The following PCDH15 variants were observed in gnomAD, a reference collection of about 807,000 sequenced individuals.
PCDH15 encodes the protein protocadherin-15.
In PCDH15, 129 loss-of-function variants were observed where a neutral mutation model predicts 178.5. That is an observed-to-expected ratio of 0.72 (90% CI 0.63 to 0.84). The LOEUF (loss-of-function observed/expected upper bound fraction) is 0.84. Ranked by LOEUF, PCDH15 falls within the 40% of genes least tolerant of loss-of-function variation. The probability of loss-of-function intolerance (pLI) is 0.00; values close to 1 mark genes in which losing one functional copy is unlikely to be tolerated. For synonymous variants in PCDH15, 800 were observed against 732.0 expected (o/e 1.09, Z -1.50); for missense variants, 2,230 against 2,099.9 (o/e 1.06, Z -1.21).
chr10:55,455,976 G>A (rs965429956), intron 2 of PCDH15, among the ~76,000 whole-genome samples: 1 of 152,028 alleles, frequency 6.6e-6, no homozygotes, highest in Non-Finnish European at 1.5e-5. Context: ...ATACATAAAC[G>A]AACTAAATCT....
intron 3 of PCDH15, among the ~76,000 whole-genome samples, chr10:54,459,258 A>C (rs2077021511): frequency 6.6e-6 from 1 of 152,110 alleles, no homozygotes; most frequent in Non-Finnish European, 1.5e-5. Context: ...CAAGAAGGCG[A>C]ATAATTATCT....
rs116814746 is a variant in PCDH15 at position 54,202,490 on chromosome 10, T to A, written c.1099-6601A>T. 6.1e-3 allele frequency among the ~76,000 whole-genome samples: 921 copies of A among 152,146 alleles called. 9 individuals are homozygous for A. Among genetic ancestry groups the A allele is most frequent in the African/African-American group, 0.018 (756 of 41,520 alleles). On this transcript the variant is annotated intron_variant, in intron 10 of 37. Transcript: ENST00000644397. ...AATCATTCTCAAACTCTGATGTACCTAAGAATAGAATGGAAGGCCTAATAA... is the reference window on the plus strand; with the variant it reads ...AATCATTCTCAAACTCTGATGTACCAAAGAATAGAATGGAAGGCCTAATAA...
intron 2 of PCDH15, among the ~76,000 whole-genome samples, chr10:55,162,717 T>C (rs2132114832): frequency 6.6e-6 from 1 of 152,274 alleles, no homozygotes; most frequent in East Asian, 1.9e-4. Context: ...GGGGTCTGGA[T>C]TGCGACCTCT....
At chr10:55,121,208 C>A (rs963463636) in intron 2 of PCDH15, among the ~76,000 whole-genome samples, 2 of 152,144 alleles carry the variant, frequency 1.3e-5, no homozygotes, top group African/African-American at 2.4e-5. Flanking sequence ...TATTTTCAAA[C>A]CTTAAGATTT....
At chr10:54,759,594 G>A (rs1947597657) in intron 1 of PCDH15, among the ~76,000 whole-genome samples, 1 of 152,156 alleles carries the variant, frequency 6.6e-6, no homozygotes, top group South Asian at 2.1e-4. Context: ...CCATGCCTGG[G>A]AGCAGAATTG....
intron 1 of PCDH15, among the ~76,000 whole-genome samples, chr10:54,718,897 A>G (rs1183351979): frequency 6.6e-6 from 1 of 151,698 alleles, no homozygotes; most frequent in African/African-American, 2.4e-5. Context: ...GGGTTTCACT[A>G]TGTTGGCCAG....
intron 3 of PCDH15, among the ~76,000 whole-genome samples, chr10:54,850,158 CTT>C (rs1953591302): frequency 6.6e-6 from 1 of 152,058 alleles, no homozygotes; most frequent in African/African-American, 2.4e-5. Flanking sequence ...TTTTTAGTGA[CTT>C]TTAATAATAT....
intron 15 of PCDH15, among the ~76,000 whole-genome samples, chr10:54,122,581 CA>C (rs71007809): frequency 0.032 from 4,453 of 139,528 alleles, 235 homozygotes; most frequent in African/African-American, 0.11. Flanking sequence ...ATCCAAATAG[CA>C]AAAAAAAAAG....
chr10:55,454,208 T>C (rs564825734), intron 2 of PCDH15, among the ~76,000 whole-genome samples: 25 of 152,122 alleles, frequency 1.6e-4, no homozygotes, highest in Non-Finnish European at 3.4e-4. Context: ...TGATACTATG[T>C]GCCATTTAAA....
chr10:55,077,263 T>C (rs1015654459), intron 2 of PCDH15, among the ~76,000 whole-genome samples: 24 of 152,300 alleles, frequency 1.6e-4, no homozygotes, highest in African/African-American at 5.3e-4. Flanking sequence ...TAATTTAATC[T>C]ATTTACATTC....
At chr10:55,358,215 C>G (rs933765989) in intron 2 of PCDH15, among the ~76,000 whole-genome samples, 4 of 152,038 alleles carry the variant, frequency 2.6e-5, no homozygotes, top group Non-Finnish European at 5.9e-5. Flanking sequence ...TAATGCAAAA[C>G]AGTGAAATTT....
At chr10:54,183,640 A>T (rs775148244) in intron 12 of PCDH15, 47 bp from the exon 13 acceptor site, 1 of 1,602,358 alleles carries the variant, frequency 6.2e-7, no homozygotes, top group South Asian at 1.1e-5. Flanking sequence ...CTGCAAATAT[A>T]AGTAGTACAG....
intron 2 of PCDH15, among the ~76,000 whole-genome samples, chr10:54,559,604 T>C (rs1185369171): frequency 6.6e-6 from 1 of 151,778 alleles, no homozygotes; most frequent in African/African-American, 2.4e-5. Context: ...TATGATTGAA[T>C]TTTTTTTCTA....
At chr10:55,571,942 A>AT (rs2132110605) in intron 2 of PCDH15, among the ~76,000 whole-genome samples, 1 of 152,176 alleles carries the variant, frequency 6.6e-6, no homozygotes, top group East Asian at 1.9e-4. Context: ...CTGCTAGGAT[A>AT]TTTTTTATAT....
intron 3 of PCDH15, among the ~76,000 whole-genome samples, chr10:54,423,695 CTTTG>C (rs1434096576): frequency 1.3e-5 from 2 of 151,838 alleles, no homozygotes; most frequent in Non-Finnish European, 2.9e-5. Flanking sequence ...CCTTTGTTCT[CTTTG>C]TTTGTTAGCA....
intron 2 of PCDH15, among the ~76,000 whole-genome samples, chr10:55,003,444 GTT>G (rs1339597855): frequency 7.0e-6 from 1 of 143,806 alleles, no homozygotes; most frequent in African/African-American, 2.5e-5. Context: ...AAACATTGCT[GTT>G]TTTTTTTTTT....
intron 3 of PCDH15, among the ~76,000 whole-genome samples, chr10:54,859,780 T>A (rs1953808207): frequency 6.6e-6 from 1 of 151,708 alleles, no homozygotes; most frequent in Non-Finnish European, 1.5e-5. Flanking sequence ...TTATGGTACA[T>A]TTATTGATTA....
In PCDH15 at chr10:53,854,998, T is replaced by A. The variant is rs925826878; in HGVS notation, c.3806+2177A>T. Reference sequence around the variant, plus strand: ...TTAAGAAGCATTAAAATCTTATAAATTCCTGCAAAACTATACTTTTGCTAT... The same window carrying A: ...TTAAGAAGCATTAAAATCTTATAAAATCCTGCAAAACTATACTTTTGCTAT... On this transcript the variant is annotated intron_variant, in intron 28 of 37. Coordinates refer to ENST00000644397, the MANE Select transcript of PCDH15 (RefSeq NM_001384140.1). Among the ~76,000 whole-genome samples, 8 of 152,154 alleles carry A rather than the reference T, an allele frequency of 5.3e-5. No homozygotes were observed. The East Asian group carries it at 1.4e-3, about 26-fold the overall frequency.
chr10:54,708,408 A>C (rs2095389763), intron 1 of PCDH15, among the ~76,000 whole-genome samples: 1 of 152,226 alleles, frequency 6.6e-6, no homozygotes, highest in African/African-American at 2.4e-5. Context: ...AATCTTACAG[A>C]GTTGAATATT....
Sources: allele counts gnomAD v4.1 joint callset (sites outside exome capture counted in the v4.1 genomes callset), GRCh38; gene constraint gnomAD v4.1.1; transcripts MANE v1.5; gene names NCBI Gene and HGNC (gene_info 2026-07-23, HGNC 2026-07-21).